GPR107: variants seen among roughly 807,000 people sequenced by gnomAD.
GPR107 encodes the protein G protein-coupled receptor 107, also known as protein GPR107.
Under a neutral mutation model 75.5 loss-of-function variants are expected in GPR107, and 31 were observed. The observed-to-expected ratio is 0.41, with a 90% CI of 0.31 to 0.55. The LOEUF (loss-of-function observed/expected upper bound fraction) is 0.55, where lower values mean the gene tolerates loss of function less well. GPR107 is among the 20% of genes least tolerant of loss of function. The pLI is 0.26. For synonymous variants in GPR107, 267 were observed against 251.3 expected (o/e 1.06, Z -0.59); for missense variants, 572 against 665.7 (o/e 0.86, Z 1.55).
chr9:130,091,048 G>C, intron 8 of GPR107, 65 bp downstream of exon 8: 1 of 737,640 alleles, frequency 1.4e-6, no homozygotes, highest in Non-Finnish European at 2.4e-6. Flanking sequence ...ATTTGTTTCT[G>C]TATAAGATTA....
intron 17 of GPR107, among the ~76,000 whole-genome samples, chr9:130,133,915 AC>A (rs1831890759): frequency 6.6e-6 from 1 of 152,036 alleles, no homozygotes; most frequent in South Asian, 2.1e-4. Context: ...CCCCATACAA[AC>A]ATTTACTTAC....
intron 14 of GPR107, among the ~76,000 whole-genome samples, chr9:130,113,596 A>G (rs564040157): frequency 1.3e-5 from 2 of 152,282 alleles, no homozygotes; most frequent in African/African-American, 4.8e-5. Flanking sequence ...GATTTTTTTA[A>G]GAATTCTATA....
At chr9:130,094,940 CA>C (rs1174327015) in intron 9 of GPR107, among the ~76,000 whole-genome samples, 3 of 152,234 alleles carry the variant, frequency 2.0e-5, no homozygotes, top group South Asian at 4.1e-4. Flanking sequence ...CTTGGCCTCC[CA>C]AAGTGCTGGG....
intron 14 of GPR107, among the ~76,000 whole-genome samples, chr9:130,111,668 G>A (rs370892701): frequency 2.0e-5 from 3 of 151,468 alleles, no homozygotes; most frequent in Non-Finnish European, 4.4e-5. Context: ...ACAGCTTTCC[G>A]TTTTGGGGTG....
intron 17 of GPR107, among the ~76,000 whole-genome samples, chr9:130,132,742 C>T (rs782344862): frequency 1.7e-4 from 26 of 151,566 alleles, no homozygotes; most frequent in Admixed American, 3.3e-4. Context: ...GTCGAGATGG[C>T]GCCACTGCAC....
At chr9:130,131,228 C>A (rs1343897167) in intron 17 of GPR107, among the ~76,000 whole-genome samples, 2 of 152,278 alleles carry the variant, frequency 1.3e-5, no homozygotes, top group African/African-American at 4.8e-5. Context: ...CTCACTGCTG[C>A]AGAGCCTGAG....
Position 130,086,402 on chromosome 9 carries a change from A to G in GPR107, c.565-18A>G. The G allele has an allele frequency of 3.2e-6, 4 of 1,256,152 alleles. No individual in the cohort carries two copies. The South Asian group carries it at 3.6e-5, about 11-fold the overall frequency. The allele number at this position is 1,256,152 out of a possible 1,614,324, so 77.8% of individuals were successfully genotyped here. The stretch of plus-strand genomic sequence containing the variant: ...CTATGCCGGTGTCATCCTAAAACAT[A>G]CTATTATGTCTTTTTAGGCCATGGG... On this transcript the variant is annotated intron_variant, in intron 6 of 17. Transcript: ENST00000347136.
rs796436969 is a variant in GPR107, at chr9:130,127,030, G to A, written c.1357-453G>A. Among the ~76,000 whole-genome samples, 8 of 151,702 alleles carry A rather than the reference G, an allele frequency of 5.3e-5. No individual in the cohort carries two copies. The East Asian group carries it at 9.6e-4, about 18-fold the overall frequency. On this transcript the variant is annotated intron_variant, in intron 15 of 17. Coordinates refer to ENST00000347136, the MANE Select transcript of GPR107 (RefSeq NM_020960.5). ...CTTGGTAGTATTTGTACTTCTGTGA[G>A]TGTGGACCTCGAATGCTTGCAGCAT...
At chr9:130,063,301 C>T (rs1227356368) in intron 1 of GPR107, among the ~76,000 whole-genome samples, 3 of 152,150 alleles carry the variant, frequency 2.0e-5, no homozygotes, top group Non-Finnish European at 4.4e-5. Flanking sequence ...TGCCATTCCC[C>T]TGCCTCAGCC....
chr9:130,089,256 C>T (rs974688443), intron 7 of GPR107, among the ~76,000 whole-genome samples: 1 of 152,162 alleles, frequency 6.6e-6, no homozygotes, highest in African/African-American at 2.4e-5. Context: ...GGCACCAGTA[C>T]TTTGTGTCAG....
chr9:130,125,233 C>T (rs1238247121), intron 15 of GPR107, among the ~76,000 whole-genome samples: 2 of 151,548 alleles, frequency 1.3e-5, no homozygotes, highest in Non-Finnish European at 2.9e-5. Context: ...AGGCACCTGC[C>T]ATTACACCCA....
At chr9:130,054,259 G>A (rs550441791) in intron 1 of GPR107, among the ~76,000 whole-genome samples, 186 bp downstream of exon 1, 1 of 152,334 alleles carries the variant, frequency 6.6e-6, no homozygotes, top group East Asian at 1.9e-4. Context: ...GGGTCTTCGG[G>A]CTGACCGGCA....
At chr9:130,058,495 C>T (rs556115336) in intron 1 of GPR107, among the ~76,000 whole-genome samples, 9 of 151,006 alleles carry the variant, frequency 6.0e-5, no homozygotes, top group African/African-American at 4.9e-5. Context: ...GACGGAGTCT[C>T]GGACTGTTGC....
At chr9:130,107,465 A>G in intron 13 of GPR107, 31 bp from the exon 14 acceptor site, 1 of 1,411,492 alleles carries the variant, frequency 7.1e-7, no homozygotes, top group East Asian at 2.3e-5. Flanking sequence ...TTTGTCAGCT[A>G]ACTTTTTGTT....
Position 130,133,440 on chromosome 9 carries a change from G to T in GPR107, c.1563-1585G>T, listed in dbSNP as rs578021654. ...GATTACTGGAGTGTTTCTGGAAGAC[G>T]TGGGGTCGCATTTCTTTGTGGTCTC... is the stretch of plus-strand genomic sequence containing the variant. On this transcript the variant is annotated intron_variant, in intron 17 of 17. Transcript: ENST00000347136. Among the ~76,000 whole-genome samples, 60 of 152,332 alleles carry T rather than the reference G, an allele frequency of 3.9e-4. No individual in the cohort carries two copies. In the South Asian group the frequency reaches 4.4e-3, roughly 11 times the overall value.
In GPR107 at chr9:130,137,408, A is replaced by C. The variant is rs1268331488; in HGVS notation, c.*2287A>C. On this transcript the variant is annotated 3_prime_UTR_variant, in exon 18 of 18. Transcript: ENST00000347136. ...CCGAGTGTCTGCAGTGCTGGTCCTG[A>C]CCCTTCCAGAGCAGCAGTGGACAGA... is the stretch of plus-strand genomic sequence containing the variant. The C allele has an allele frequency of 6.6e-6, 1 of 152,226 alleles. No individual in the cohort carries two copies. The highest frequency in any genetic ancestry group is 1.5e-5 in the Non-Finnish European group (1 of 68,032). The allele number at this position is 152,226 out of a possible 1,614,324, so 9.4% of individuals were successfully genotyped here. A position where few individuals can be genotyped will look rare whatever the true frequency, so the allele number is the denominator to read the frequency against.
intron 1 of GPR107, among the ~76,000 whole-genome samples, chr9:130,062,599 CGCCT>C (rs569454904): frequency 1.2e-4 from 18 of 150,284 alleles, no homozygotes; most frequent in African/African-American, 2.7e-4. Flanking sequence ...GTGGCTCTTT[CGCCT>C]GCCTGCCTGC....
At chr9:130,111,221 T>G (rs901678896) in intron 14 of GPR107, among the ~76,000 whole-genome samples, 2 of 152,006 alleles carry the variant, frequency 1.3e-5, no homozygotes, top group African/African-American at 4.8e-5. Flanking sequence ...ATGCTAGCGC[T>G]TTGGGAGGCC....
Position 130,128,702 on chromosome 9 carries a change from T to C in GPR107, c.1503T>C (p.Ala501=), listed in dbSNP as rs776288472. 1.9e-6 allele frequency: 3 copies of C among 1,610,844 alleles called. No individual in the cohort carries two copies. Among genetic ancestry groups the C allele is most frequent in the Non-Finnish European group, 2.5e-6 (3 of 1,177,004 alleles). ...FVLTGYKFRP[A]SDNPYLQLSQ... ...TAACGGGGTATAAATTCCGTCCGGC[T>C]TCAGATAACCCCTACCTACAACTTT... The change falls in exon 17 of 18, where the codon GCT becomes GCC. Residue 501 remains alanine, a synonymous_variant. Coordinates refer to ENST00000347136, the MANE Select transcript of GPR107 (RefSeq NM_020960.5).
Sources: gnomAD v4.1 joint callset for allele counts (sites outside exome capture counted in the v4.1 genomes callset) on GRCh38, gnomAD v4.1.1 for gene constraint, MANE v1.5 for transcripts, NCBI Gene and HGNC (gene_info 2026-07-23, HGNC 2026-07-21) for gene names.